The following TSPAN15 variants were observed in gnomAD, a reference collection of about 807,000 sequenced individuals.
TSPAN15 encodes the protein tetraspanin-15.
Under a neutral mutation model 34.5 loss-of-function variants are expected in TSPAN15, and 20 were observed. The observed-to-expected ratio is 0.58, with a 90% CI of 0.41 to 0.84. The LOEUF (loss-of-function observed/expected upper bound fraction) is 0.84, where lower values mean the gene tolerates loss of function less well. TSPAN15 is among the 40% of genes least tolerant of loss of function. The pLI is 0.00. For synonymous variants in TSPAN15, 155 were observed against 153.9 expected (o/e 1.01, Z -0.05); for missense variants, 313 against 386.1 (o/e 0.81, Z 1.59).
chr10:69,462,970 G>A (rs1841303436), intron 1 of TSPAN15, among the ~76,000 whole-genome samples: 1 of 152,206 alleles, frequency 6.6e-6, no homozygotes, highest in Non-Finnish European at 1.5e-5. Flanking sequence ...GAGACCACTG[G>A]CCTGGGAATG....
intron 3 of TSPAN15, among the ~76,000 whole-genome samples, chr10:69,488,500 A>C (rs780426497): frequency 6.6e-6 from 1 of 152,208 alleles, no homozygotes; most frequent in Non-Finnish European, 1.5e-5. Flanking sequence ...AGTCAGAACA[A>C]GTCATTAGGT....
At chr10:69,548,173 C>G in the TSPAN15 span, among the ~76,000 whole-genome samples, 45 of 152,102 alleles carry the variant, frequency 3.0e-4, no homozygotes, top group Admixed American at 2.4e-3. Context: ...CGGGGGCAGA[C>G]AAACACAAAA....
chr10:69,523,638 C>T, the TSPAN15 span: 5 of 229,294 alleles, frequency 2.2e-5, no homozygotes, highest in South Asian at 2.9e-4. Context: ...AAAGCTGCCC[C>T]TGGCCCAGCC....
chr10:69,534,354 C>A, the TSPAN15 span, among the ~76,000 whole-genome samples: 1 of 152,128 alleles, frequency 6.6e-6, no homozygotes, highest in Admixed American at 6.5e-5. Flanking sequence ...AGAGAGACAC[C>A]AGCGTAAAGA....
chr10:69,508,922 A>G (rs1842386966), downstream of TSPAN15, among the ~76,000 whole-genome samples: 1 of 152,152 alleles, frequency 6.6e-6, no homozygotes, highest in Non-Finnish European at 1.5e-5. Context: ...CTGCTTCTGA[A>G]GCTCTGTCCT....
chr10:69,476,500 T>C (rs910843956), intron 1 of TSPAN15, among the ~76,000 whole-genome samples: 10 of 149,492 alleles, frequency 6.7e-5, no homozygotes, highest in African/African-American at 2.5e-4. Flanking sequence ...GAGGCTGCAG[T>C]GAGCTATGAT....
intron 1 of TSPAN15, among the ~76,000 whole-genome samples, chr10:69,464,297 T>C (rs984854462): frequency 7.1e-6 from 1 of 141,800 alleles, no homozygotes; most frequent in African/African-American, 2.5e-5. Flanking sequence ...GTGGACTTAT[T>C]AGGGAGGGGC....
At chr10:69,458,865 G>T (rs964665119) in intron 1 of TSPAN15, among the ~76,000 whole-genome samples, 4 of 152,104 alleles carry the variant, frequency 2.6e-5, no homozygotes, top group Non-Finnish European at 4.4e-5. Flanking sequence ...GCTTTATGTC[G>T]TAGGACTGGA....
chr10:69,464,647 G>A (rs1343678615), intron 1 of TSPAN15, among the ~76,000 whole-genome samples: 2 of 152,212 alleles, frequency 1.3e-5, no homozygotes, highest in African/African-American at 4.8e-5. Flanking sequence ...CTTCAGAACA[G>A]GAGCGTCACC....
chr10:69,501,587 T>C (rs893786468), intron 5 of TSPAN15, among the ~76,000 whole-genome samples: 1 of 152,214 alleles, frequency 6.6e-6, no homozygotes, highest in Non-Finnish European at 1.5e-5. Flanking sequence ...GTGGGAATTG[T>C]ATTCTCAGAT....
At position 69,469,002 on chromosome 10, in the gene TSPAN15, G is replaced by A. The variant is rs1056841447; in HGVS notation, c.97-14689G>A. Among the ~76,000 whole-genome samples the A allele has an allele frequency of 6.1e-5, 7 of 114,974 alleles. 1 individual carries two copies. Among genetic ancestry groups the A allele is most frequent in the Admixed American group, 2.1e-4 (2 of 9,426 alleles). The allele number at this position is 114,974 out of a possible 152,430, so 75.4% of individuals were successfully genotyped here. ...GATGACTTAGGGTAAGGCCCTAGAC[G>A]GCCTTAGGATGGGGCGAATCACCAG... On this transcript the variant is annotated intron_variant, in intron 1 of 7. Coordinates refer to ENST00000373290, the MANE Select transcript of TSPAN15 (RefSeq NM_012339.5).
chr10:69,526,407 T>C, the TSPAN15 span, among the ~76,000 whole-genome samples: 1 of 148,270 alleles, frequency 6.7e-6, no homozygotes, highest in Non-Finnish European at 1.5e-5. Flanking sequence ...CCAAGGAAGA[T>C]AAACAAATCG....
chr10:69,483,415 A>T (rs1841780355), intron 1 of TSPAN15, among the ~76,000 whole-genome samples: 1 of 152,142 alleles, frequency 6.6e-6, no homozygotes, highest in African/African-American at 2.4e-5. Context: ...GACACCAGTC[A>T]TATTGGATTA....
At chr10:69,468,099 A>G (rs536958541) in intron 1 of TSPAN15, among the ~76,000 whole-genome samples, 2 of 149,444 alleles carry the variant, frequency 1.3e-5, no homozygotes, top group South Asian at 2.2e-4. Flanking sequence ...GTCCCCACCC[A>G]TGAGACTCCA....
intron 1 of TSPAN15, among the ~76,000 whole-genome samples, chr10:69,480,235 C>T (rs1841704537): frequency 6.6e-6 from 1 of 151,938 alleles, no homozygotes; most frequent in East Asian, 1.9e-4. Flanking sequence ...TACCTTAACT[C>T]AGAAGCACAG....
At chr10:69,511,601 T>C (rs968469984), downstream of TSPAN15, among the ~76,000 whole-genome samples, 1 of 152,224 alleles carries the variant, frequency 6.6e-6, no homozygotes, top group Non-Finnish European at 1.5e-5. Context: ...TAGTTATTTC[T>C]TGTCTTCTGC....
At chr10:69,535,747 C>G in the TSPAN15 span, among the ~76,000 whole-genome samples, 1 of 152,220 alleles carries the variant, frequency 6.6e-6, no homozygotes, top group African/African-American at 2.4e-5. Context: ...GACACATGCC[C>G]TTACATTCAG....
chr10:69,471,100 G>A (rs942014049), intron 1 of TSPAN15, among the ~76,000 whole-genome samples: 12 of 152,136 alleles, frequency 7.9e-5, no homozygotes, highest in Non-Finnish European at 1.8e-4. Flanking sequence ...TATAACCATA[G>A]CACAGTATAT....
the TSPAN15 span, among the ~76,000 whole-genome samples, chr10:69,540,250 C>T: frequency 6.6e-6 from 1 of 152,108 alleles, no homozygotes. Flanking sequence ...AAAAAATTAG[C>T]CAGGCGTGGT....
Sources: gnomAD v4.1 joint callset for allele counts (sites outside exome capture counted in the v4.1 genomes callset) on GRCh38, gnomAD v4.1.1 for gene constraint, MANE v1.5 for transcripts, NCBI Gene and HGNC (gene_info 2026-07-23, HGNC 2026-07-21) for gene names.